Variants in CCDC159 observed in about 807,000 individuals in gnomAD.
CCDC159 encodes the protein coiled-coil domain containing 159.
CCDC159 carries 40 observed loss-of-function variants against 50.9 expected under a neutral mutation model. The observed-to-expected ratio is 0.79, with a 90% confidence interval of 0.61 to 1.02. The LOEUF (loss-of-function observed/expected upper bound fraction) is 1.02. Among genes scored for constraint, CCDC159 ranks in the 50% least tolerant of loss-of-function variants. CCDC159 has a pLI of 0.00. For missense variants in CCDC159, 356 were observed against 371.5 expected, an observed-to-expected ratio of 0.96 and a Z score of 0.34; for synonymous variants, 146 against 138.9, an observed-to-expected ratio of 1.05 and a Z score of -0.36.
chr19:11,353,702 C>G, intron 8 of CCDC159, 90 bp from the exon 9 acceptor site: 2 of 1,537,392 alleles, frequency 1.3e-6, no homozygotes, highest in Non-Finnish European at 1.8e-6. Flanking sequence ...GGACTCACCC[C>G]ACCACGGCCC....
At chr19:11,347,630 T>C (rs1211860466) in intron 1 of CCDC159, among the ~76,000 whole-genome samples, 1 of 152,180 alleles carries the variant, frequency 6.6e-6, no homozygotes, top group Non-Finnish European at 1.5e-5. Context: ...GTGCCCAGCC[T>C]GAGTAGTTCT....
Position 11,351,167 on chromosome 19 carries a change from T to C in CCDC159, c.422+164T>C, listed in dbSNP as rs1599384736. The C allele has an allele frequency of 8.3e-6, 6 of 722,552 alleles. No individual in the cohort carries two copies. The East Asian group carries it at 1.8e-4, about 21-fold the overall frequency. 44.8% of individuals were successfully genotyped at this position (722,552 alleles called of 1,614,324 possible). A position where few individuals can be genotyped will look rare whatever the true frequency, so the allele number is the denominator to read the frequency against. ...GAAGAGGGAATGAGGCCGGGTGTGGTGGCTCATGCCTGTAATCCCAGCACT... is the reference window on the plus strand; with the variant it reads ...GAAGAGGGAATGAGGCCGGGTGTGGCGGCTCATGCCTGTAATCCCAGCACT... On this transcript the variant is annotated intron_variant, in intron 5 of 10. Transcript: ENST00000458408.
At chr19:11,349,466 C>G in intron 1 of CCDC159, 188 bp from the exon 2 acceptor site, 1 of 685,986 alleles carries the variant, frequency 1.5e-6, no homozygotes, top group Non-Finnish European at 2.5e-6. Flanking sequence ...AAGTGCACTT[C>G]TGAGCATATG....
At chr19:11,346,676 C>G (rs1967250339) in intron 1 of CCDC159, 49 bp downstream of exon 1, 1 of 1,540,708 alleles carries the variant, frequency 6.5e-7, no homozygotes, top group East Asian at 2.5e-5. Flanking sequence ...GATTTCACAA[C>G]CCAGGGGGCG....
intron 7 of CCDC159, among the ~76,000 whole-genome samples, chr19:11,352,813 C>T (rs906859780): frequency 5.9e-5 from 9 of 151,984 alleles, no homozygotes; most frequent in Non-Finnish European, 1.2e-4. Flanking sequence ...TGCCTGTAGA[C>T]TTAGCTACTC....
chr19:11,354,253 G>C (rs1967753994), intron 9 of CCDC159, among the ~76,000 whole-genome samples: 1 of 152,132 alleles, frequency 6.6e-6, no homozygotes, highest in Non-Finnish European at 1.5e-5. Context: ...GTGCACCTGT[G>C]GCTGAGCACA....
At chr19:11,347,701 C>T (rs1268337138) in intron 1 of CCDC159, among the ~76,000 whole-genome samples, 1 of 152,132 alleles carries the variant, frequency 6.6e-6, no homozygotes, top group Non-Finnish European at 1.5e-5. Flanking sequence ...GCAAGGGTGA[C>T]AGAGAGAAAG....
intron 2 of CCDC159, 99 bp downstream of exon 2, chr19:11,349,786 C>T: frequency 8.4e-7 from 1 of 1,192,436 alleles, no homozygotes; most frequent in Non-Finnish European, 1.2e-6. Flanking sequence ...GCCATGGTCA[C>T]CCATTCACTC....
At chr19:11,352,960 C>CA (rs964958655) in intron 7 of CCDC159, among the ~76,000 whole-genome samples, 122 of 151,388 alleles carry the variant, frequency 8.1e-4, no homozygotes, top group Non-Finnish European at 2.7e-4. Flanking sequence ...AAAACAAAAA[C>CA]AAAAAACAAA....
At position 11,350,889 on chromosome 19, in the gene CCDC159, G is replaced by C. The variant is rs761704394; in HGVS notation, c.308G>C (p.Gly103Ala). Residue 103 changes from glycine to alanine, a missense_variant, in exon 5 of 11, where the codon GGG becomes GCG. Coordinates refer to ENST00000458408, the MANE Select transcript of CCDC159 (RefSeq NM_001080503.3). ...GMEQGRQELY[G>A]ALTQGLQGLE... ...GAGCAGGGCCGGCAGGAGCTGTATG[G>C]GGCCCTGACCCAAGGCCTTCAGGGG... The C allele has an allele frequency of 1.3e-6, 2 of 1,552,536 alleles. No homozygotes were observed. The highest frequency in any genetic ancestry group is 3.9e-5 in the Admixed American group (2 of 51,092).
chr19:11,349,953 TGATTCCC>T lies in CCDC159; in HGVS notation c.74_80del (p.Ile25ThrfsTer27). On this transcript the variant is annotated frameshift_variant, in exon 3 of 11. Coordinates refer to ENST00000458408, the MANE Select transcript of CCDC159 (RefSeq NM_001080503.3). LOFTEE classifies it high-confidence loss of function. ...CTGCCCACAGCCAAGACCATTGTGA[TGATTCCC>T]GACTCCCAGAAGCTCCTGCGATGTG... is the stretch of plus-strand genomic sequence containing the variant. The T allele has an allele frequency of 6.2e-7, 1 of 1,613,830 alleles. No individual in the cohort carries two copies. The highest frequency in any genetic ancestry group is 8.5e-7 in the Non-Finnish European group (1 of 1,179,838).
rs750615806 is a variant in CCDC159, at chr19:11,349,727, C to T, written c.55+40C>T. 3.3e-6 allele frequency: 5 copies of T among 1,499,358 alleles called. No homozygotes were observed. The South Asian group carries it at 4.5e-5, about 14-fold the overall frequency. The allele number at this position is 1,499,358 out of a possible 1,614,324, so 92.9% of individuals were successfully genotyped here. The stretch of plus-strand genomic sequence containing the variant: ...TTCCAACAAAACTGTGTGGGGAAGA[C>T]CTGCTGGTTTCTACCTCTACCCTCT... On this transcript the variant is annotated intron_variant, in intron 2 of 10. Coordinates refer to ENST00000458408, the MANE Select transcript of CCDC159 (RefSeq NM_001080503.3).
rs1435489650 is a variant in CCDC159 at position 11,347,617 on chromosome 19, A to G, written c.21+990A>G. 2.0e-5 allele frequency among the ~76,000 whole-genome samples: 3 copies of G among 152,224 alleles called. No individual in the cohort carries two copies. The East Asian group carries it at 5.8e-4, about 29-fold the overall frequency. On this transcript the variant is annotated intron_variant, in intron 1 of 10. Transcript: ENST00000458408. The stretch of plus-strand genomic sequence containing the variant: ...AGTGCTAGGATTACAGGTGTTAGCC[A>G]CCGTGCCCAGCCTGAGTAGTTCTGA...
chr19:11,346,700 G>C (rs1441454459), intron 1 of CCDC159, 73 bp downstream of exon 1: 29 of 1,488,372 alleles, frequency 1.9e-5, no homozygotes, highest in Non-Finnish European at 2.6e-5. Context: ...CCAGGATGAT[G>C]ACCCCGCCCC....
At chr19:11,351,856 G>C (rs1967602152) in intron 5 of CCDC159, 50 bp from the exon 6 acceptor site, 1 of 1,523,992 alleles carries the variant, frequency 6.6e-7, no homozygotes, top group South Asian at 1.2e-5. Context: ...GGGCATGGGA[G>C]GTCAGGGGCC....
intron 7 of CCDC159, 55 bp downstream of exon 7, chr19:11,352,188 T>A: frequency 6.4e-7 from 1 of 1,557,348 alleles, no homozygotes; most frequent in South Asian, 1.1e-5. Flanking sequence ...GGGATGGGGA[T>A]TTTGGCCAGC....
In CCDC159 at chr19:11,352,981, A is replaced by C. The variant is rs561571746; in HGVS notation, c.568-470A>C. ...AAAACAAAAAACAAAACAAAAAAAAACACTCCTCCCTACCTGATCAGGTGT... is the reference window on the plus strand; with the variant it reads ...AAAACAAAAAACAAAACAAAAAAAACCACTCCTCCCTACCTGATCAGGTGT... On this transcript the variant is annotated intron_variant, in intron 7 of 10. Transcript: ENST00000458408. Among the ~76,000 whole-genome samples the C allele has an allele frequency of 2.0e-4, 31 of 152,174 alleles. 1 individual carries two copies. In the South Asian group the frequency reaches 3.7e-3, roughly 18 times the overall value.
intron 5 of CCDC159, 188 bp from the exon 6 acceptor site, chr19:11,351,718 A>G: frequency 2.0e-6 from 1 of 501,424 alleles, no homozygotes; most frequent in Non-Finnish European, 3.5e-6. Context: ...GACTGAGAGA[A>G]TGGGAGGCTG....
At chr19:11,347,657 T>G (rs566053210) in intron 1 of CCDC159, among the ~76,000 whole-genome samples, 17 of 151,870 alleles carry the variant, frequency 1.1e-4, no homozygotes, top group Middle Eastern at 3.4e-3. Flanking sequence ...CGTGTAGGAG[T>G]CTTCCAGGTC....
Sources: allele counts gnomAD v4.1 joint callset (sites outside exome capture counted in the v4.1 genomes callset), GRCh38; gene constraint gnomAD v4.1.1; transcripts MANE v1.5; gene names NCBI Gene and HGNC (gene_info 2026-07-23, HGNC 2026-07-21).